Variants in TRPM3 observed in about 807,000 individuals in gnomAD.
TRPM3 encodes transient receptor potential cation channel subfamily M member 3, also known as long transient receptor potential channel 3.
Under a neutral mutation model 181.2 loss-of-function variants are expected in TRPM3, and 77 were observed. The observed-to-expected ratio is 0.42, with a 90% confidence interval of 0.35 to 0.51. The LOEUF (loss-of-function observed/expected upper bound fraction) is 0.51, where lower values mean the gene tolerates loss of function less well. Among genes scored for constraint, TRPM3 ranks in the 20% least tolerant of loss-of-function variants. The probability of loss-of-function intolerance (pLI) is 0.01; values close to 1 mark genes in which losing one functional copy is unlikely to be tolerated. For synonymous variants in TRPM3, 745 were observed against 796.4 expected (o/e 0.94, Z 1.09); for missense variants, 1,759 against 2,196.7 (o/e 0.80, Z 3.98).
At chr9:70,796,617 C>T (rs2087099072) in intron 6 of TRPM3, among the ~76,000 whole-genome samples, 1 of 152,172 alleles carries the variant, frequency 6.6e-6, no homozygotes, top group Non-Finnish European at 1.5e-5. Flanking sequence ...TGTCAATCAA[C>T]TATGATGGTA....
At chr9:70,635,819 A>G (rs2133481728) in intron 11 of TRPM3, among the ~76,000 whole-genome samples, 3 of 152,234 alleles carry the variant, frequency 2.0e-5, no homozygotes, top group Middle Eastern at 6.8e-3. Flanking sequence ...TTCCTCAAGC[A>G]AATGTATTTG....
In TRPM3 at chr9:70,756,497, T is replaced by C. The variant is rs183956372; in HGVS notation, c.1272+5104A>G. 3.4e-3 allele frequency among the ~76,000 whole-genome samples: 517 copies of C among 152,296 alleles called. 4 individuals are homozygous for C. The highest frequency in any genetic ancestry group is 0.012 in the African/African-American group (494 of 41,554). On this transcript the variant is annotated intron_variant, in intron 8 of 25. Coordinates refer to ENST00000677713, the MANE Select transcript of TRPM3 (RefSeq NM_001366145.2). ...TCACCTCTGGACCAAGCAGACCTAATAGACATCTACAGAACTTTCCACCCC... is the reference window on the plus strand; with the variant it reads ...TCACCTCTGGACCAAGCAGACCTAACAGACATCTACAGAACTTTCCACCCC...
At chr9:70,540,725 T>C (rs1489209313) in intron 25 of TRPM3, among the ~76,000 whole-genome samples, 2 of 152,170 alleles carry the variant, frequency 1.3e-5, no homozygotes, top group Admixed American at 6.5e-5. Context: ...TATTTATTTT[T>C]ATTTTATTTT....
intron 1 of TRPM3, among the ~76,000 whole-genome samples, chr9:71,093,260 T>C (rs1325660813): frequency 6.6e-6 from 1 of 152,140 alleles, no homozygotes; most frequent in East Asian, 1.9e-4. Flanking sequence ...AAAGAGCTTC[T>C]GCACAACGAA....
chr9:71,117,451 T>G (rs568995092), intron 1 of TRPM3, among the ~76,000 whole-genome samples: 8 of 152,170 alleles, frequency 5.3e-5, no homozygotes, highest in Non-Finnish European at 1.0e-4. Flanking sequence ...ACCCGTTTCC[T>G]TCTTCCATTT....
intron 9 of TRPM3, among the ~76,000 whole-genome samples, chr9:70,654,340 G>A (rs1053231084): frequency 1.5e-4 from 23 of 152,160 alleles, no homozygotes; most frequent in African/African-American, 3.9e-4. Flanking sequence ...TGTCTGGTGC[G>A]TTGACCTCCC....
chr9:70,906,475 A>C (rs1329791028), intron 1 of TRPM3, among the ~76,000 whole-genome samples: 1 of 152,158 alleles, frequency 6.6e-6, no homozygotes, highest in Non-Finnish European at 1.5e-5. Flanking sequence ...CTTTTTGTTA[A>C]ATTTCAGGGA....
intron 3 of TRPM3, among the ~76,000 whole-genome samples, chr9:70,853,321 TG>T (rs2095294262): frequency 1.3e-5 from 2 of 152,234 alleles, no homozygotes; most frequent in Non-Finnish European, 2.9e-5. Flanking sequence ...CTAATTTTAA[TG>T]TGCACAGAAC....
chr9:70,686,708 TC>T (rs1377268479), intron 8 of TRPM3, among the ~76,000 whole-genome samples: 175 of 117,136 alleles, frequency 1.5e-3, no homozygotes, highest in Middle Eastern at 4.3e-3. Context: ...CTTCCTTCCT[TC>T]CTTCCTTCCT....
chr9:71,423,886 C>A (rs1164694643), intron 1 of TRPM3, among the ~76,000 whole-genome samples: 3 of 152,114 alleles, frequency 2.0e-5, no homozygotes, highest in African/African-American at 7.2e-5. Flanking sequence ...ACTCTACCAA[C>A]TAACCTATTT....
intron 22 of TRPM3, among the ~76,000 whole-genome samples, chr9:70,587,455 G>T (rs557862401): frequency 6.6e-6 from 1 of 152,228 alleles, no homozygotes; most frequent in South Asian, 2.1e-4. Context: ...GAGACACCCC[G>T]TTTTCCCTGC....
intron 1 of TRPM3, among the ~76,000 whole-genome samples, chr9:70,938,353 G>T (rs1269132496): frequency 6.6e-6 from 1 of 152,068 alleles, no homozygotes; most frequent in Non-Finnish European, 1.5e-5. Context: ...TGTCACCAAC[G>T]CCACTGGATA....
chr9:70,864,538 A>AAAAAAAAAAAAAAAAAG (rs375135324), intron 1 of TRPM3, 27 bp from the exon 2 acceptor site: 9 of 1,433,878 alleles, frequency 6.3e-6, no homozygotes, highest in Non-Finnish European at 7.4e-6. Flanking sequence ...AAAAAAAAAA[A>AAAAAAAAAAAAAAAAAG]AAAGAAAAAA....
intron 14 of TRPM3, among the ~76,000 whole-genome samples, chr9:70,622,589 A>G (rs1016495998): frequency 1.3e-5 from 2 of 152,258 alleles, no homozygotes; most frequent in African/African-American, 4.8e-5. Flanking sequence ...CATGCTGGGA[A>G]TGTGCAAAAC....
intron 22 of TRPM3, 42 bp downstream of exon 22, chr9:70,590,989 A>C (rs1426918503): frequency 6.2e-7 from 1 of 1,613,330 alleles, no homozygotes; most frequent in Admixed American, 1.7e-5. Flanking sequence ...AATTGAATTT[A>C]AATACCTGAC....
chr9:71,237,044 CAAA>C (rs33929941), intron 1 of TRPM3, among the ~76,000 whole-genome samples: 5 of 92,800 alleles, frequency 5.4e-5, no homozygotes, highest in Non-Finnish European at 7.8e-5. Context: ...AAGACTCCAT[CAAA>C]AAAAAAAAAA....
chr9:71,332,370 A>ATTT (rs2090256868), intron 1 of TRPM3, among the ~76,000 whole-genome samples: 7 of 129,650 alleles, frequency 5.4e-5, no homozygotes, highest in Admixed American at 2.4e-4. Context: ...GTGGTTTTCA[A>ATTT]TGTTGGGTGT....
chr9:71,103,822 A>T (rs2068880875), intron 1 of TRPM3, among the ~76,000 whole-genome samples: 1 of 152,198 alleles, frequency 6.6e-6, no homozygotes, highest in South Asian at 2.1e-4. Flanking sequence ...GAATCAACTT[A>T]TGACAGACTA....
intron 1 of TRPM3, among the ~76,000 whole-genome samples, chr9:71,159,164 T>C (rs1008495806): frequency 1.3e-5 from 2 of 151,176 alleles, no homozygotes; most frequent in Admixed American, 1.3e-4. Flanking sequence ...ATGTATCCAA[T>C]TGGTTTTACG....
Sources: allele counts gnomAD v4.1 joint callset (sites outside exome capture counted in the v4.1 genomes callset), GRCh38; gene constraint gnomAD v4.1.1; transcripts MANE v1.5; gene names NCBI Gene and HGNC (gene_info 2026-07-23, HGNC 2026-07-21).